The following TNPO3 variants were observed in gnomAD, a reference collection of about 807,000 sequenced individuals.
The protein encoded by TNPO3 is transportin 3, also known as transportin-3.
Under a neutral mutation model 122.8 loss-of-function variants are expected in TNPO3, and 65 were observed. The ratio of observed to expected loss-of-function variants is 0.53; its 90% CI spans 0.43 to 0.65. The LOEUF (loss-of-function observed/expected upper bound fraction) is 0.65, where lower values mean the gene tolerates loss of function less well. Among genes scored for constraint, TNPO3 ranks in the 30% least tolerant of loss-of-function variants. TNPO3 has a pLI of 0.00. For missense variants in TNPO3, 850 were observed against 1,136.7 expected (o/e 0.75, Z 3.63); for synonymous variants, 372 against 411.2 (o/e 0.90, Z 1.15).
intron 8 of TNPO3, 27 bp from the exon 9 acceptor site, chr7:128,993,941 G>T: frequency 6.3e-7 from 1 of 1,589,040 alleles, no homozygotes; most frequent in Non-Finnish European, 8.6e-7. Flanking sequence ...GATAACATCT[G>T]CTTTAAACTC....
intron 1 of TNPO3, among the ~76,000 whole-genome samples, chr7:129,046,462 T>C (rs1008350147): frequency 6.6e-6 from 1 of 152,212 alleles, no homozygotes; most frequent in Non-Finnish European, 1.5e-5. Flanking sequence ...AAAAGCATGT[T>C]TTGACTGGAA....
chr7:129,005,280 T>G lies in TNPO3; in HGVS notation c.553-121A>C, dbSNP rs1802441943. ...CAATAAAACAGCCAACGGTTAAAAGTGCTTTTTAAGTTTAAGTGTCACTGT... is the reference window on the plus strand; with the variant it reads ...CAATAAAACAGCCAACGGTTAAAAGGGCTTTTTAAGTTTAAGTGTCACTGT... On this transcript the variant is annotated intron_variant, in intron 4 of 22. Transcript: ENST00000265388. 7 of 991,758 alleles carry G rather than the reference T, an allele frequency of 7.1e-6. No individual in the cohort carries two copies. The East Asian group carries it at 1.9e-4, about 27-fold the overall frequency. The allele number at this position is 991,758 out of a possible 1,614,324, so 61.4% of individuals were successfully genotyped here.
At chr7:129,021,531 G>A (rs1195391826) in intron 1 of TNPO3, among the ~76,000 whole-genome samples, 1 of 151,694 alleles carries the variant, frequency 6.6e-6, no homozygotes, top group Non-Finnish European at 1.5e-5. Context: ...AAATAATATA[G>A]AACAAGTATA....
intron 1 of TNPO3, among the ~76,000 whole-genome samples, chr7:129,050,672 C>G (rs1011620768): frequency 3.9e-5 from 6 of 152,078 alleles, no homozygotes; most frequent in Admixed American, 3.3e-4. Flanking sequence ...AAATTAAAAC[C>G]TACATACTTA....
upstream of TNPO3, chr7:129,056,184 C>A: frequency 1.1e-6 from 1 of 883,024 alleles, no homozygotes; most frequent in South Asian, 1.3e-5. Context: ...CCGGCAGAAG[C>A]TAGCTCCCAA....
chr7:128,956,574 G>A (rs1277939915), intron 22 of TNPO3, among the ~76,000 whole-genome samples: 2 of 152,220 alleles, frequency 1.3e-5, no homozygotes, highest in Non-Finnish European at 1.5e-5. Flanking sequence ...GAGCATTGGA[G>A]CATTTTGGAT....
chr7:128,962,189 C>A (rs2128981991), intron 21 of TNPO3, among the ~76,000 whole-genome samples: 1 of 151,718 alleles, frequency 6.6e-6, no homozygotes, highest in South Asian at 2.1e-4. Flanking sequence ...CAAGGTGAAA[C>A]CCCGTCTCTA....
intron 10 of TNPO3, among the ~76,000 whole-genome samples, chr7:128,990,681 G>T (rs1054468309): frequency 6.6e-6 from 1 of 152,180 alleles, no homozygotes; most frequent in Non-Finnish European, 1.5e-5. Flanking sequence ...AAGTTGCCCC[G>T]ATTTGGAACA....
chr7:128,962,644 C>T (rs545357982), intron 21 of TNPO3, among the ~76,000 whole-genome samples: 1 of 152,350 alleles, frequency 6.6e-6, no homozygotes, highest in Non-Finnish European at 1.5e-5. Context: ...CAAGTCCTTT[C>T]TCTAGCACCT....
At chr7:128,978,406 C>T (rs1298580922) in intron 16 of TNPO3, among the ~76,000 whole-genome samples, 2 of 152,158 alleles carry the variant, frequency 1.3e-5, no homozygotes, top group Non-Finnish European at 2.9e-5. Context: ...CCCCAAGGAT[C>T]TCAATATAAA....
chr7:128,959,929 G>C (rs1363444426), intron 21 of TNPO3, among the ~76,000 whole-genome samples: 1 of 152,184 alleles, frequency 6.6e-6, no homozygotes, highest in Non-Finnish European at 1.5e-5. Context: ...GCTGAGGCTG[G>C]AGGATCGCTT....
At chr7:128,987,047 G>T in intron 11 of TNPO3, 127 bp from the exon 12 acceptor site, 1 of 904,088 alleles carries the variant, frequency 1.1e-6, no homozygotes, top group Non-Finnish European at 1.6e-6. Context: ...AGTGAAATGT[G>T]TTCAGAACCA....
rs1801456639 is a variant in TNPO3 at position 128,997,491 on chromosome 7, A to T, written c.1056T>A (p.His352Gln). The T allele has an allele frequency of 6.2e-7, 1 of 1,614,008 alleles. No homozygotes were observed. The highest frequency in any genetic ancestry group is 8.5e-7 in the Non-Finnish European group (1 of 1,179,962). ...SFNFWYRLGE[H>Q]LYKTNDEVIH... The stretch of plus-strand genomic sequence containing the variant: ...TAACTTCATCGTTAGTTTTGTACAA[A>T]TGTTCCCCCAGTCGGTACCAAAAGT... The change falls in exon 8 of 23, where the codon CAT becomes CAA. Residue 352 changes from histidine (H) to glutamine (Q), a missense_variant. By Grantham distance (24) the His-to-Gln change is conservative. Transcript: ENST00000265388.
At chr7:128,970,614 A>G (rs763316684) in intron 19 of TNPO3, 10 of 203,846 alleles carry the variant, frequency 4.9e-5, no homozygotes, top group Non-Finnish European at 8.8e-5. Flanking sequence ...AACATGGTTA[A>G]GAATTAAAGT....
chr7:129,048,788 T>C (rs890084543), intron 1 of TNPO3, among the ~76,000 whole-genome samples: 5 of 152,232 alleles, frequency 3.3e-5, no homozygotes, highest in Admixed American at 6.5e-5. Flanking sequence ...ATGTGAGTTA[T>C]CCAACTGAGT....
In TNPO3 at chr7:128,970,178, C is replaced by T; in HGVS notation, c.2568G>A (p.Val856=). The T allele has an allele frequency of 6.2e-7, 1 of 1,614,158 alleles. No homozygotes were observed. Among genetic ancestry groups the T allele is most frequent in the Non-Finnish European group, 8.5e-7 (1 of 1,180,024 alleles). The change falls in exon 20 of 23, where the codon GTG becomes GTA. Residue 856 remains valine (V), a synonymous_variant. Transcript: ENST00000265388. ...PPYTLPDVAE[V]LWEIMQVDRP... is the part of the protein sequence containing the mutation. ...TGTCAACCTGCATGATCTCCCAGAG[C>T]ACTTCAGCCACATCTGGTAGGGTAT...
rs183286686 is a variant in TNPO3, at chr7:128,994,947, G to A, written c.1159-1033C>T. On this transcript the variant is annotated intron_variant, in intron 8 of 22. Transcript: ENST00000265388. ...TTCCGGGATTATAGGCATGAGCCAC[G>A]TGCCTGGCCTCAGTTAATTTTTAAA... Among the ~76,000 whole-genome samples the A allele has an allele frequency of 1.9e-3, 283 of 152,226 alleles. 6 individuals are homozygous for A. Among genetic ancestry groups the A allele is most frequent in the Admixed American group, 0.017 (258 of 15,282 alleles).
chr7:129,040,550 T>C (rs960098908), intron 1 of TNPO3, among the ~76,000 whole-genome samples: 4 of 152,146 alleles, frequency 2.6e-5, no homozygotes, highest in African/African-American at 4.8e-5. Flanking sequence ...AAGAAAAAAA[T>C]TGAGTTACAC....
chr7:128,970,143 C>T lies in TNPO3; in HGVS notation c.2598+5G>A. Reference sequence around the variant, plus strand: ...GAGATAAATTCCTCATGAAAACAATCTTACCGGTCTGTCAACCTGCATGAT... The same window carrying T: ...GAGATAAATTCCTCATGAAAACAATTTTACCGGTCTGTCAACCTGCATGAT... On this transcript the variant is annotated splice_donor_5th_base_variant and intron_variant, in intron 20 of 22. Transcript: ENST00000265388. 1 of 1,614,000 alleles carries T rather than the reference C, an allele frequency of 6.2e-7. No homozygotes were observed. The highest frequency in any genetic ancestry group is 8.5e-7 in the Non-Finnish European group (1 of 1,179,910).
Sources: allele counts gnomAD v4.1 joint callset (sites outside exome capture counted in the v4.1 genomes callset), GRCh38; gene constraint gnomAD v4.1.1; transcripts MANE v1.5; gene names NCBI Gene and HGNC (gene_info 2026-07-23, HGNC 2026-07-21).